Variants in TUBB6 observed in about 807,000 individuals in gnomAD.
TUBB6 encodes tubulin beta-6 chain.
Under a neutral mutation model 32.3 loss-of-function variants are expected in TUBB6, and 18 were observed. The observed-to-expected ratio is 0.56, with a 90% CI of 0.39 to 0.83. TUBB6 has a LOEUF of 0.83. Ranked by LOEUF, TUBB6 falls within the 40% of genes least tolerant of loss-of-function variation. The pLI is 0.00. For synonymous variants in TUBB6, 280 were observed against 265.8 expected (o/e 1.05, Z -0.52); for missense variants, 480 against 632.0 (o/e 0.76, Z 2.58).
At chr18:12,308,412 G>C (rs1386054275) in intron 1 of TUBB6, 63 bp downstream of exon 1, 2 of 1,237,720 alleles carry the variant, frequency 1.6e-6, no homozygotes, top group Non-Finnish European at 2.0e-6. Flanking sequence ...CGGGTCTCCC[G>C]GCGCGACCCC....
chr18:12,308,472 C>G, intron 1 of TUBB6, 123 bp downstream of exon 1: 1 of 895,794 alleles, frequency 1.1e-6, no homozygotes, highest in Non-Finnish European at 1.5e-6. Flanking sequence ...GAGCCCGGTG[C>G]GGACCCGCGA....
At position 12,319,963 on chromosome 18, in the gene TUBB6, T is replaced by C. The variant is rs139688631; in HGVS notation, c.278-5104T>C. ...CACCATGCCATGCTAATTTTTTTTA[T>C]ATTTTTGGTAGAGACGGGGTTTCAC... On this transcript the variant is annotated intron_variant, in intron 3 of 3. Coordinates refer to ENST00000317702, the MANE Select transcript of TUBB6 (RefSeq NM_032525.3). Among the ~76,000 whole-genome samples, 46 of 152,202 alleles carry C rather than the reference T, an allele frequency of 3.0e-4. 1 individual carries two copies. The East Asian group carries it at 7.2e-3, about 24-fold the overall frequency.
At position 12,319,127 on chromosome 18, in the gene TUBB6, CTTTTTCCTTT is replaced by C. The variant is rs377728368; in HGVS notation, c.278-5934_278-5925del. Among the ~76,000 whole-genome samples the C allele has an allele frequency of 1.5e-3, 217 of 144,918 alleles. 1 individual carries two copies. Among genetic ancestry groups the C allele is most frequent in the African/African-American group, 4.7e-3 (183 of 39,224 alleles). On this transcript the variant is annotated intron_variant, in intron 3 of 3. Coordinates refer to ENST00000317702, the MANE Select transcript of TUBB6 (RefSeq NM_032525.3). ...GTGCTGTGTCCTGCTGACATTTTTC[CTTTTTCCTTT>C]TTTTTTTTTTTCTTTTTTTTTTTGA...
chr18:12,316,864 C>T (rs1906699733), intron 3 of TUBB6, among the ~76,000 whole-genome samples: 1 of 152,164 alleles, frequency 6.6e-6, no homozygotes, highest in Non-Finnish European at 1.5e-5. Context: ...CACTCACTTA[C>T]ATTAGTAGTG....
downstream of TUBB6, chr18:12,328,986 AAAG>A: frequency 1.7e-6 from 1 of 580,910 alleles, no homozygotes. Flanking sequence ...TTTTTTATGT[AAAG>A]AAGCCATATT....
intron 1 of TUBB6, 144 bp downstream of exon 1, chr18:12,308,493 G>C: frequency 1.3e-6 from 1 of 776,152 alleles, no homozygotes; most frequent in Non-Finnish European, 1.9e-6. Context: ...GGGCCGCAGG[G>C]AGGGAGCGCC....
Position 12,326,168 on chromosome 18 carries a change from G to C in TUBB6, c.*38G>C, listed in dbSNP as rs755767655. 1.3e-5 allele frequency: 20 copies of C among 1,579,366 alleles called. No homozygotes were observed. Among genetic ancestry groups the C allele is most frequent in the Middle Eastern group, 1.7e-4 (1 of 5,872 alleles). ...CGCCCCAACTCAGATCCTACAACAC[G>C]CAAGTTCCTTCTTGAACCCTGGTGC... On this transcript the variant is annotated 3_prime_UTR_variant, in exon 4 of 4. Coordinates refer to ENST00000317702, the MANE Select transcript of TUBB6 (RefSeq NM_032525.3).
intron 3 of TUBB6, among the ~76,000 whole-genome samples, chr18:12,319,954 T>A (rs1054115760): frequency 6.6e-6 from 1 of 151,816 alleles, no homozygotes; most frequent in African/African-American, 2.4e-5. Flanking sequence ...GCCATGCTAA[T>A]TTTTTTTATA....
At chr18:12,315,690 T>C (rs1171453209) in intron 3 of TUBB6, among the ~76,000 whole-genome samples, 2 of 152,160 alleles carry the variant, frequency 1.3e-5, no homozygotes, top group Non-Finnish European at 2.9e-5. Flanking sequence ...AGGCAGGACA[T>C]TAAAATGCAA....
intron 3 of TUBB6, chr18:12,324,734 A>G: frequency 8.0e-7 from 1 of 1,244,220 alleles, no homozygotes; most frequent in Non-Finnish European, 1.0e-6. Context: ...TACAGGCATG[A>G]GCCACGGCGC....
In TUBB6 at chr18:12,325,409, T is replaced by G. The variant is rs1907237016; in HGVS notation, c.620T>G (p.Leu207Arg). The G allele has an allele frequency of 1.2e-6, 2 of 1,614,198 alleles. No individual in the cohort carries two copies. Among genetic ancestry groups the G allele is most frequent in the Non-Finnish European group, 1.7e-6 (2 of 1,180,034 alleles). The change falls in exon 4 of 4, where the codon CTC becomes CGC. Residue 207 changes from leucine (L) to arginine (R), a missense_variant. By Grantham distance (102) the Leu-to-Arg change is moderately radical (BLOSUM62 -2). Transcript: ENST00000317702. ...ACCTACTGCATCGACAACGAGGCGC[T>G]CTATGACATCTGCTTCCGCACTCTG... is the stretch of plus-strand genomic sequence containing the variant. ...DETYCIDNEALYDICFRTLKL... is the reference protein window; with the variant it reads ...DETYCIDNEARYDICFRTLKL...
At chr18:12,313,983 T>G (rs960825011) in intron 3 of TUBB6, among the ~76,000 whole-genome samples, 2 of 152,288 alleles carry the variant, frequency 1.3e-5, no homozygotes, top group Middle Eastern at 3.4e-3. Flanking sequence ...ATATTCTGTA[T>G]TGTGAGAAAG....
downstream of TUBB6, among the ~76,000 whole-genome samples, chr18:12,328,488 A>C (rs1436816677): frequency 1.3e-5 from 2 of 152,216 alleles, no homozygotes; most frequent in Non-Finnish European, 2.9e-5. Flanking sequence ...ACTCCCTTTC[A>C]ATAGACAATA....
At chr18:12,313,363 C>T (rs569988344) in intron 3 of TUBB6, among the ~76,000 whole-genome samples, 1 of 152,184 alleles carries the variant, frequency 6.6e-6, no homozygotes, top group Non-Finnish European at 1.5e-5. Flanking sequence ...CTAGCACTTA[C>T]AAGACTTCAG....
At chr18:12,324,377 A>C (rs984851097) in intron 3 of TUBB6, among the ~76,000 whole-genome samples, 4 of 152,118 alleles carry the variant, frequency 2.6e-5, no homozygotes, top group African/African-American at 7.2e-5. Flanking sequence ...CTCCAAAAAA[A>C]AGAAAGAAAG....
intron 3 of TUBB6, chr18:12,324,792 A>G: frequency 7.7e-7 from 1 of 1,304,314 alleles, no homozygotes; most frequent in Non-Finnish European, 9.7e-7. Context: ...TTCCCTTTGA[A>G]TTCTACCATG....
chr18:12,323,235 T>C (rs1043543051), intron 3 of TUBB6, among the ~76,000 whole-genome samples: 5 of 152,152 alleles, frequency 3.3e-5, no homozygotes, highest in African/African-American at 4.8e-5. Context: ...AATACAGATG[T>C]TCACAGCAAT....
rs192717175 is a variant in TUBB6, at chr18:12,308,253, C to T, written c.-40C>T. 14 of 1,381,196 alleles carry T rather than the reference C, an allele frequency of 1.0e-5. No individual in the cohort carries two copies. The East Asian group carries it at 3.0e-4, about 30-fold the overall frequency. 85.6% of individuals were successfully genotyped at this position (1,381,196 alleles called of 1,614,324 possible). On this transcript the variant is annotated 5_prime_UTR_variant, in exon 1 of 4. Transcript: ENST00000317702. Reference sequence around the variant, plus strand: ...GCAGCCGGCCCGCAGTTGCCGCTGTCGTCCGCAGAGCCAGTTCCTAGCGCA... The same window carrying T: ...GCAGCCGGCCCGCAGTTGCCGCTGTTGTCCGCAGAGCCAGTTCCTAGCGCA...
intron 3 of TUBB6, among the ~76,000 whole-genome samples, chr18:12,318,406 G>A (rs575097115): frequency 3.3e-4 from 49 of 148,674 alleles, no homozygotes; most frequent in African/African-American, 1.2e-3. Context: ...TAAGAGAACA[G>A]TCACATACTA....
Sources: allele counts gnomAD v4.1 joint callset (sites outside exome capture counted in the v4.1 genomes callset), GRCh38; gene constraint gnomAD v4.1.1; transcripts MANE v1.5; gene names NCBI Gene and HGNC (gene_info 2026-07-23, HGNC 2026-07-21).